The following UNC5B variants were observed in gnomAD, a reference collection of about 807,000 sequenced individuals.
UNC5B encodes the protein netrin receptor UNC5B.
In UNC5B, 56 loss-of-function variants were observed where a neutral mutation model predicts 103.7. That is an observed-to-expected ratio of 0.54 (90% CI 0.44 to 0.67). The LOEUF is 0.67. Among genes scored for constraint, UNC5B ranks in the 30% least tolerant of loss-of-function variants. The probability of loss-of-function intolerance (pLI) is 0.00; values close to 1 mark genes in which losing one functional copy is unlikely to be tolerated. For missense variants in UNC5B, 1,194 were observed against 1,284.5 expected (o/e 0.93, Z 1.08); for synonymous variants, 577 against 542.0 (o/e 1.06, Z -0.90).
chr10:71,244,720 G>A (rs988980245), intron 1 of UNC5B, among the ~76,000 whole-genome samples: 1 of 152,220 alleles, frequency 6.6e-6, no homozygotes, highest in Non-Finnish European at 1.5e-5. Flanking sequence ...CCGCTTCCGA[G>A]AACCCGCGAT....
intron 1 of UNC5B, among the ~76,000 whole-genome samples, chr10:71,227,645 T>C (rs1007997917): frequency 1.1e-4 from 14 of 129,396 alleles, no homozygotes; most frequent in Middle Eastern, 3.7e-3. Context: ...TATACACATA[T>C]ACATATATAT....
At chr10:71,228,125 TA>T (rs1418885459) in intron 1 of UNC5B, among the ~76,000 whole-genome samples, 1 of 152,202 alleles carries the variant, frequency 6.6e-6, no homozygotes, top group Admixed American at 6.5e-5. Context: ...GACTTTTTAA[TA>T]AATGGTGCTC....
intron 1 of UNC5B, among the ~76,000 whole-genome samples, chr10:71,279,599 TTA>T (rs1844864022): frequency 6.6e-6 from 1 of 152,174 alleles, no homozygotes; most frequent in African/African-American, 2.4e-5. Context: ...AACTGGCTCT[TTA>T]TAAAGCCCAG....
rs1269813464 is a variant in UNC5B, at chr10:71,301,586, C to T, written c.*2309C>T. 1 of 152,262 alleles carries T rather than the reference C, an allele frequency of 6.6e-6. No individual in the cohort carries two copies. Among genetic ancestry groups the T allele is most frequent in the Non-Finnish European group, 1.5e-5 (1 of 68,062 alleles). 9.4% of individuals were successfully genotyped at this position (152,262 alleles called of 1,614,324 possible). Reference sequence around the variant, plus strand: ...CATGAACACGTGTGGGCCTCGGTCACGTGGCTTTGAGGGCAGTCTGACCAG... The same window carrying T: ...CATGAACACGTGTGGGCCTCGGTCATGTGGCTTTGAGGGCAGTCTGACCAG... On this transcript the variant is annotated 3_prime_UTR_variant, in exon 17 of 17. Transcript: ENST00000335350.
intron 8 of UNC5B, among the ~76,000 whole-genome samples, chr10:71,290,618 A>T (rs556936940): frequency 1.3e-5 from 2 of 152,376 alleles, no homozygotes; most frequent in South Asian, 4.1e-4. Context: ...TCTGAGCCAC[A>T]GACCCTGTCT....
rs892820846 is a variant in UNC5B at position 71,287,646 on chromosome 10, G to A, written c.782G>A (p.Arg261His). 12 of 1,611,850 alleles carry A rather than the reference G, an allele frequency of 7.4e-6. No individual in the cohort carries two copies. Among genetic ancestry groups the A allele is most frequent in the African/African-American group, 6.7e-5 (5 of 74,850 alleles). Residue 261 changes from arginine (R) to histidine (H), a missense_variant, in exon 6 of 17, where the codon CGC becomes CAC. Coordinates refer to ENST00000335350, the MANE Select transcript of UNC5B (RefSeq NM_170744.5). The stretch of plus-strand genomic sequence containing the variant: ...GCAGAGTGGTCACCCTGCTCCAACC[G>A]CTGTGGCCGAGGCTGGCAGAAGCGC... The part of the protein sequence containing the change: ...SWAEWSPCSN[R>H]CGRGWQKRTR...
rs12244788 is a variant in UNC5B, at chr10:71,255,226, G to A, written c.80-24595G>A. 9.6e-3 allele frequency among the ~76,000 whole-genome samples: 1,467 copies of A among 152,292 alleles called. 17 individuals are homozygous for A. The highest frequency in any genetic ancestry group is 0.032 in the African/African-American group (1,350 of 41,546). ...ATCTTACTCTGGTAAATAACACTGC[G>A]TTGAACATCTCCATGCTCACAGCTT... is the stretch of plus-strand genomic sequence containing the variant. On this transcript the variant is annotated intron_variant, in intron 1 of 16. Coordinates refer to ENST00000335350, the MANE Select transcript of UNC5B (RefSeq NM_170744.5).
intron 1 of UNC5B, among the ~76,000 whole-genome samples, chr10:71,259,457 T>G (rs1372957629): frequency 2.6e-5 from 4 of 151,918 alleles, no homozygotes; most frequent in African/African-American, 9.7e-5. Flanking sequence ...CTTCATAGTT[T>G]ATGAAGCACT....
intron 4 of UNC5B, 29 bp downstream of exon 4, chr10:71,285,458 A>T: frequency 5.8e-6 from 9 of 1,544,530 alleles, no homozygotes; most frequent in Non-Finnish European, 7.8e-6. Flanking sequence ...ACCACTGAGC[A>T]CGGCCCTGTG....
chr10:71,223,237 C>T (rs757555461), intron 1 of UNC5B, among the ~76,000 whole-genome samples: 3 of 152,148 alleles, frequency 2.0e-5, no homozygotes, highest in Non-Finnish European at 4.4e-5. Flanking sequence ...CGTGTGGATT[C>T]CTGGCACCCA....
chr10:71,256,744 G>T (rs997728661), intron 1 of UNC5B, among the ~76,000 whole-genome samples: 4 of 152,224 alleles, frequency 2.6e-5, no homozygotes, highest in Admixed American at 2.0e-4. Context: ...TTGGTGTGTG[G>T]GTTTTGATAT....
chr10:71,256,228 C>T (rs934323014), intron 1 of UNC5B, among the ~76,000 whole-genome samples: 4 of 152,122 alleles, frequency 2.6e-5, no homozygotes, highest in South Asian at 2.1e-4. Context: ...GGTGAGTGGA[C>T]GAGTACCCGC....
chr10:71,257,793 G>A (rs1000597236), intron 1 of UNC5B, among the ~76,000 whole-genome samples: 1 of 152,230 alleles, frequency 6.6e-6, no homozygotes, highest in African/African-American at 2.4e-5. Flanking sequence ...CCCCTCCCTG[G>A]AATCACTGCA....
intron 8 of UNC5B, 144 bp downstream of exon 8, chr10:71,289,134 C>G (rs1289734219): frequency 6.6e-6 from 7 of 1,053,790 alleles, no homozygotes. Flanking sequence ...CCTGACACTG[C>G]ATGTGTCTGC....
chr10:71,259,420 A>C (rs991127221), intron 1 of UNC5B, among the ~76,000 whole-genome samples: 1 of 151,984 alleles, frequency 6.6e-6, no homozygotes, highest in African/African-American at 2.4e-5. Context: ...GAAAAATAAT[A>C]ATGACTAATC....
In UNC5B at chr10:71,281,912, G is replaced by A. The variant is rs191865313; in HGVS notation, c.304+1867G>A. On this transcript the variant is annotated intron_variant, in intron 2 of 16. Transcript: ENST00000335350. ...TTTCCTTGGCCTCTTTCTCTCAAACGGTCCTTACCTCTCTGCCCACTGAGC... is the reference window on the plus strand; with the variant it reads ...TTTCCTTGGCCTCTTTCTCTCAAACAGTCCTTACCTCTCTGCCCACTGAGC... Among the ~76,000 whole-genome samples the A allele has an allele frequency of 2.9e-4, 44 of 152,276 alleles. No individual in the cohort carries two copies. In the East Asian group the frequency reaches 4.2e-3, roughly 15 times the overall value.
At chr10:71,216,358 TGA>T (rs1289216538) in intron 1 of UNC5B, among the ~76,000 whole-genome samples, 1 of 152,076 alleles carries the variant, frequency 6.6e-6, no homozygotes. Context: ...GGAAAGAGGT[TGA>T]GAGTTGGAAG....
At chr10:71,289,166 G>A (rs752534983) in intron 8 of UNC5B, among the ~76,000 whole-genome samples, 176 bp downstream of exon 8, 1 of 152,164 alleles carries the variant, frequency 6.6e-6, no homozygotes. Context: ...CGGCAGACAG[G>A]CAAACCCTTG....
At chr10:71,224,218 T>C (rs1202262770) in intron 1 of UNC5B, among the ~76,000 whole-genome samples, 1 of 151,364 alleles carries the variant, frequency 6.6e-6, no homozygotes, top group Non-Finnish European at 1.5e-5. Flanking sequence ...CCATCCCACT[T>C]CTGTATGTAG....
Sources: allele counts gnomAD v4.1 joint callset (sites outside exome capture counted in the v4.1 genomes callset), GRCh38; gene constraint gnomAD v4.1.1; transcripts MANE v1.5; gene names NCBI Gene and HGNC (gene_info 2026-07-23, HGNC 2026-07-21).